Variants in TNNI3K observed in about 807,000 individuals in gnomAD.
TNNI3K encodes the protein TNNI3 interacting kinase.
A neutral mutation model predicts 114.5 loss-of-function variants in TNNI3K; 140 were observed. The ratio of observed to expected loss-of-function variants is 1.22; its 90% CI spans 1.07 to 1.41. The LOEUF (loss-of-function observed/expected upper bound fraction) is 1.41. TNNI3K is among the 40% of genes most tolerant of loss of function. TNNI3K has a pLI of 0.00. For synonymous variants in TNNI3K, 347 were observed against 347.5 expected (o/e 1.00, Z 0.02); for missense variants, 1,125 against 1,007.6 (o/e 1.12, Z -1.58).
chr1:74,451,402 T>C (rs1264143525), intron 20 of TNNI3K, among the ~76,000 whole-genome samples: 3 of 152,088 alleles, frequency 2.0e-5, no homozygotes, highest in Admixed American at 2.0e-4. Context: ...GAGAACTTAA[T>C]AAAATAAAAT....
At position 74,424,768 on chromosome 1, in the gene TNNI3K, C is replaced by CT. The variant is rs1434192959; in HGVS notation, c.1773-11309dup. ...ACATAGTATGTTTCTCAGAAGGTTG[C>CT]TTTGAAGAGTCAAGATGTAATATCA... On this transcript the variant is annotated intron_variant, in intron 17 of 24. Transcript: ENST00000326637. Among the ~76,000 whole-genome samples the CT allele has an allele frequency of 2.0e-5, 3 of 149,924 alleles. No individual in the cohort carries two copies. In the East Asian group the frequency reaches 5.9e-4, roughly 30 times the overall value.
intron 14 of TNNI3K, 25 bp from the exon 15 acceptor site, chr1:74,369,178 GTTTA>G (rs1164947275): frequency 3.7e-6 from 6 of 1,603,144 alleles, no homozygotes; most frequent in African/African-American, 2.7e-5. Context: ...GTTAATATGT[GTTTA>G]TTTATTTATT....
At chr1:74,258,865 C>G (rs979120875) in intron 4 of TNNI3K, among the ~76,000 whole-genome samples, 1 of 152,164 alleles carries the variant, frequency 6.6e-6, no homozygotes, top group Non-Finnish European at 1.5e-5. Context: ...CTACTTTACT[C>G]TCATTTAAAT....
intron 7 of TNNI3K, among the ~76,000 whole-genome samples, chr1:74,339,484 C>A (rs1208833506): frequency 6.6e-6 from 1 of 152,006 alleles, no homozygotes; most frequent in Non-Finnish European, 1.5e-5. Context: ...TAGATCTGGA[C>A]CCTGCTTGTG....
At chr1:74,406,918 G>A (rs1168253656) in intron 17 of TNNI3K, among the ~76,000 whole-genome samples, 1 of 152,182 alleles carries the variant, frequency 6.6e-6, no homozygotes, top group Non-Finnish European at 1.5e-5. Flanking sequence ...ATTTAAAGAT[G>A]TGCTCTTTGC....
At chr1:74,479,663 C>T (rs1031518134) in intron 21 of TNNI3K, among the ~76,000 whole-genome samples, 6 of 152,150 alleles carry the variant, frequency 3.9e-5, no homozygotes, top group Admixed American at 2.0e-4. Flanking sequence ...AGCATCTCTT[C>T]GTCCATCTGT....
intron 5 of TNNI3K, among the ~76,000 whole-genome samples, chr1:74,321,093 T>C (rs550125190): frequency 6.6e-6 from 1 of 152,260 alleles, no homozygotes; most frequent in South Asian, 2.1e-4. Context: ...TAAAACAGAA[T>C]TTTGGCTTTT....
At chr1:74,475,719 A>T (rs1448118299) in intron 21 of TNNI3K, 4 of 696,076 alleles carry the variant, frequency 5.7e-6, no homozygotes. Flanking sequence ...AGGTTCTGCA[A>T]CAAAGGTTTT....
intron 20 of TNNI3K, 146 bp from the exon 21 acceptor site, chr1:74,463,294 TG>T (rs1168523281): frequency 9.3e-6 from 7 of 756,206 alleles, no homozygotes; most frequent in Non-Finnish European, 1.1e-5. Flanking sequence ...TTTAGACCAT[TG>T]GGGGAAAAAA....
At chr1:74,241,238 A>G (rs1654184001) in intron 2 of TNNI3K, among the ~76,000 whole-genome samples, 1 of 152,214 alleles carries the variant, frequency 6.6e-6, no homozygotes, top group African/African-American at 2.4e-5. Context: ...TGCAATAAAC[A>G]TACATGTGCA....
rs562019903 is a variant in TNNI3K, at chr1:74,273,635, T to C, written c.444+1927T>C. ...TATTCAAATAGCTCTGTTTTCTTTC[T>C]TTCTAAATCATAATATGGAAGAAGG... On this transcript the variant is annotated intron_variant, in intron 5 of 24. Transcript: ENST00000326637. 5.3e-5 allele frequency among the ~76,000 whole-genome samples: 8 copies of C among 152,112 alleles called. No homozygotes were observed. In the South Asian group the frequency reaches 1.4e-3, roughly 28 times the overall value.
chr1:74,290,797 T>C (rs1341155438), intron 5 of TNNI3K, among the ~76,000 whole-genome samples: 4 of 151,760 alleles, frequency 2.6e-5, no homozygotes, highest in Non-Finnish European at 5.9e-5. Flanking sequence ...GCTACACACC[T>C]CTCCCCACTT....
chr1:74,508,968 C>T (rs1670046797), intron 23 of TNNI3K, among the ~76,000 whole-genome samples: 1 of 152,152 alleles, frequency 6.6e-6, no homozygotes, highest in Non-Finnish European at 1.5e-5. Context: ...TTGTTTTAAA[C>T]TAAAGATAAA....
At chr1:74,495,167 T>G (rs1358841463) in intron 23 of TNNI3K, among the ~76,000 whole-genome samples, 1 of 152,250 alleles carries the variant, frequency 6.6e-6, no homozygotes, top group Admixed American at 6.5e-5. Flanking sequence ...TGTATCTGTC[T>G]GCTAGGTGCA....
At chr1:74,388,272 C>T (rs890197534) in intron 17 of TNNI3K, among the ~76,000 whole-genome samples, 2 of 151,444 alleles carry the variant, frequency 1.3e-5, no homozygotes, top group African/African-American at 4.9e-5. Context: ...AGCAAGATTC[C>T]GTCACAAAAA....
intron 2 of TNNI3K, among the ~76,000 whole-genome samples, chr1:74,242,934 C>G (rs917218438): frequency 1.3e-5 from 2 of 152,092 alleles, no homozygotes; most frequent in Admixed American, 1.3e-4. Context: ...TTTCTCTCCC[C>G]CTTACCCTTC....
At chr1:74,306,973 A>G (rs517169) in intron 5 of TNNI3K, among the ~76,000 whole-genome samples, 150,930 of 152,322 alleles carry the variant, frequency 0.99, 74,795 homozygotes, top group Middle Eastern at 1. Context: ...AGGTCTTCTC[A>G]TAGGGCTTTT....
rs547752429 is a variant in TNNI3K at position 74,541,303 on chromosome 1, T to C, written c.2431+990T>C. Among the ~76,000 whole-genome samples the C allele has an allele frequency of 1.8e-4, 27 of 152,194 alleles. No individual in the cohort carries two copies. In the South Asian group the frequency reaches 5.6e-3, roughly 32 times the overall value. ...AAACCTTTTAAGAAACAAAGAAAAA[T>C]GTATGTTCTGAATAGATGCAAACAA... On this transcript the variant is annotated intron_variant, in intron 24 of 24. Transcript: ENST00000326637.
At chr1:74,406,140 C>A (rs987171436) in intron 17 of TNNI3K, among the ~76,000 whole-genome samples, 2 of 152,114 alleles carry the variant, frequency 1.3e-5, no homozygotes, top group African/African-American at 4.8e-5. Context: ...AGAAACAGTT[C>A]TTGTGGTTGT....
Sources: allele counts gnomAD v4.1 joint callset (sites outside exome capture counted in the v4.1 genomes callset), GRCh38; gene constraint gnomAD v4.1.1; transcripts MANE v1.5; gene names NCBI Gene and HGNC (gene_info 2026-07-23, HGNC 2026-07-21).